Variants in GRB10 observed in about 807,000 individuals in gnomAD.
GRB10 encodes the protein growth factor receptor bound protein 10, also known as growth factor receptor-bound protein 10.
GRB10 carries 20 observed loss-of-function variants against 80.9 expected under a neutral mutation model. That is an observed-to-expected ratio of 0.25 (90% CI 0.17 to 0.36). GRB10 has a LOEUF of 0.36. Ranked by LOEUF, GRB10 falls within the 10% of genes least tolerant of loss-of-function variation. GRB10 has a pLI of 1.00. For missense variants in GRB10, 548 were observed against 747.7 expected (o/e 0.73, Z 3.12); for synonymous variants, 291 against 291.5 (o/e 1.00, Z 0.02).
chr7:50,693,067 A>C (rs1264878586), intron 5 of GRB10, among the ~76,000 whole-genome samples: 38 of 152,190 alleles, frequency 2.5e-4, no homozygotes, highest in Non-Finnish European at 2.9e-5. Flanking sequence ...TGATGGGTAC[A>C]TGCAAACGAA....
chr7:50,749,792 T>A (rs1343672387), intron 3 of GRB10, among the ~76,000 whole-genome samples: 1 of 152,202 alleles, frequency 6.6e-6, no homozygotes, highest in Non-Finnish European at 1.5e-5. Flanking sequence ...CTTTGAAATG[T>A]TACCCTCTTC....
At chr7:50,746,866 A>C (rs73697068) in intron 3 of GRB10, among the ~76,000 whole-genome samples, 4 of 151,660 alleles carry the variant, frequency 2.6e-5, no homozygotes, top group Non-Finnish European at 4.4e-5. Context: ...TCAATTCATG[A>C]CCTCTTCCTG....
chr7:50,637,256 C>T (rs991263813), intron 7 of GRB10, among the ~76,000 whole-genome samples: 1 of 152,202 alleles, frequency 6.6e-6, no homozygotes, highest in African/African-American at 2.4e-5. Flanking sequence ...GTGTGAGCCA[C>T]TGCCTTAATC....
chr7:50,618,789 T>C (rs1487534108), intron 9 of GRB10, among the ~76,000 whole-genome samples: 1 of 152,252 alleles, frequency 6.6e-6, no homozygotes, highest in East Asian at 1.9e-4. Context: ...TTCTTCCACG[T>C]ATGATCACAA....
Position 50,614,763 on chromosome 7 carries a change from T to C in GRB10, c.1095+7A>G. ...ATGCGCGCCGTCTGTGGACAGCTCG[T>C]GGGTACCTTTATGCAGAGCCCGTGG... On this transcript the variant is annotated splice_region_variant and intron_variant, in intron 12 of 18. Transcript: ENST00000401949. The C allele has an allele frequency of 6.3e-7, 1 of 1,592,652 alleles. No homozygotes were observed. Among genetic ancestry groups the C allele is most frequent in the East Asian group, 2.2e-5 (1 of 44,762 alleles).
chr7:50,598,241 A>G (rs1276646674), intron 17 of GRB10, among the ~76,000 whole-genome samples: 2 of 152,228 alleles, frequency 1.3e-5, no homozygotes, highest in African/African-American at 2.4e-5. Context: ...ATCACACGCA[A>G]TACAAGGTAG....
chr7:50,624,107 G>T (rs2052416047), intron 8 of GRB10, among the ~76,000 whole-genome samples: 1 of 152,166 alleles, frequency 6.6e-6, no homozygotes. Flanking sequence ...GGGGGGTTGG[G>T]TTACAATCTG....
chr7:50,717,027 C>A (rs2066978977), intron 4 of GRB10, among the ~76,000 whole-genome samples: 1 of 152,216 alleles, frequency 6.6e-6, no homozygotes, highest in Non-Finnish European at 1.5e-5. Context: ...CTGGATAAGT[C>A]AACCAAAGTT....
chr7:50,658,006 C>T (rs1368773369), intron 7 of GRB10, among the ~76,000 whole-genome samples: 1 of 152,184 alleles, frequency 6.6e-6, no homozygotes, highest in Non-Finnish European at 1.5e-5. Flanking sequence ...AAAGAGATGG[C>T]CATTGTCCAG....
intron 4 of GRB10, among the ~76,000 whole-genome samples, chr7:50,713,112 T>C (rs1210821798): frequency 6.6e-6 from 1 of 152,208 alleles, no homozygotes; most frequent in Non-Finnish European, 1.5e-5. Flanking sequence ...CTAGAATTTC[T>C]ACAGAAGAGT....
intron 1 of GRB10, among the ~76,000 whole-genome samples, chr7:50,788,654 T>C (rs2078792736): frequency 6.6e-6 from 1 of 152,246 alleles, no homozygotes; most frequent in Non-Finnish European, 1.5e-5. Flanking sequence ...AGACTGCCAC[T>C]GTTCATGCCC....
chr7:50,697,440 T>C (rs1300503989), intron 5 of GRB10, among the ~76,000 whole-genome samples: 1 of 152,200 alleles, frequency 6.6e-6, no homozygotes, highest in Non-Finnish European at 1.5e-5. Context: ...TTTTAGCAAC[T>C]GTCACACAAA....
chr7:50,596,114 C>T (rs990254716), intron 17 of GRB10, among the ~76,000 whole-genome samples: 3 of 152,040 alleles, frequency 2.0e-5, no homozygotes, highest in South Asian at 2.1e-4. Flanking sequence ...TAACAATTAA[C>T]GAAGGAGGGG....
At chr7:50,603,549 C>T (rs968670088) in intron 17 of GRB10, among the ~76,000 whole-genome samples, 2 of 152,114 alleles carry the variant, frequency 1.3e-5, no homozygotes, top group Non-Finnish European at 2.9e-5. Context: ...CCAAGCTGGC[C>T]CAGGTGAGAA....
At chr7:50,784,795 G>A (rs984876437), upstream of GRB10, among the ~76,000 whole-genome samples, 4 of 152,224 alleles carry the variant, frequency 2.6e-5, no homozygotes, top group African/African-American at 4.8e-5. Flanking sequence ...GCTGGAAAGT[G>A]GAGATGAAGC....
chr7:50,618,237 G>A, intron 9 of GRB10, 98 bp from the exon 10 acceptor site: 1 of 886,748 alleles, frequency 1.1e-6, no homozygotes, highest in South Asian at 1.4e-5. Flanking sequence ...ATTCCTACCA[G>A]TATAATTACA....
intron 3 of GRB10, among the ~76,000 whole-genome samples, chr7:50,740,777 T>A (rs909079014): frequency 6.6e-6 from 1 of 150,818 alleles, no homozygotes; most frequent in East Asian, 1.9e-4. Context: ...TAGCAGTAAA[T>A]GTCAGTCATC....
At chr7:50,670,543 T>C (rs947839960) in intron 6 of GRB10, among the ~76,000 whole-genome samples, 1 of 138,358 alleles carries the variant, frequency 7.2e-6, no homozygotes, top group African/African-American at 2.6e-5. Context: ...GGGGGCGGGG[T>C]GCCGAAGTTT....
In GRB10 at chr7:50,592,941, G is replaced by A. The variant is rs372347272; in HGVS notation, c.*11C>T. Reference sequence around the variant, plus strand: ...ACTTCCTCCAGTCTTCAGCCGAGAGGACATCTGCGGTCATAAGGCCACTCG... The same window carrying A: ...ACTTCCTCCAGTCTTCAGCCGAGAGAACATCTGCGGTCATAAGGCCACTCG... On this transcript the variant is annotated 3_prime_UTR_variant, in exon 19 of 19. Transcript: ENST00000401949. 1 of 1,613,966 alleles carries A rather than the reference G, an allele frequency of 6.2e-7. No homozygotes were observed. Among genetic ancestry groups the A allele is most frequent in the African/African-American group, 1.3e-5 (1 of 74,922 alleles).
Sources: allele counts gnomAD v4.1 joint callset (sites outside exome capture counted in the v4.1 genomes callset), GRCh38; gene constraint gnomAD v4.1.1; transcripts MANE v1.5; gene names NCBI Gene and HGNC (gene_info 2026-07-23, HGNC 2026-07-21).